STXBP5L: variants seen among roughly 807,000 people sequenced by gnomAD.
The protein encoded by STXBP5L is syntaxin binding protein 5L.
STXBP5L carries 65 observed loss-of-function variants against 144.5 expected under a neutral mutation model. The ratio of observed to expected loss-of-function variants is 0.45; its 90% CI spans 0.37 to 0.55. The LOEUF is 0.55. Ranked by LOEUF, STXBP5L falls within the 20% of genes least tolerant of loss-of-function variation. STXBP5L has a pLI of 0.00. For missense variants in STXBP5L, 1,298 were observed against 1,405.5 expected, an observed-to-expected ratio of 0.92 and a Z score of 1.22; for synonymous variants, 505 against 469.6, an observed-to-expected ratio of 1.08 and a Z score of -0.97.
intron 20 of STXBP5L, among the ~76,000 whole-genome samples, chr3:121,322,329 T>G (rs940861293): frequency 1.3e-5 from 2 of 151,964 alleles, no homozygotes; most frequent in African/African-American, 4.8e-5. Flanking sequence ...AAATAAAAAA[T>G]TAGCCAGGTG....
At chr3:121,332,861 G>A (rs752347554) in intron 20 of STXBP5L, among the ~76,000 whole-genome samples, 10 of 147,550 alleles carry the variant, frequency 6.8e-5, no homozygotes, top group African/African-American at 1.3e-4. Flanking sequence ...TGATAAGAAC[G>A]TGAAAAAAAA....
At chr3:121,166,991 A>T (rs74829790) in intron 9 of STXBP5L, among the ~76,000 whole-genome samples, 14 of 54 alleles carry the variant, frequency 0.26, no homozygotes, top group Non-Finnish European at 0.46. Context: ...AACTGTTCAG[A>T]AAAAAAACGA....
intron 20 of STXBP5L, among the ~76,000 whole-genome samples, chr3:121,349,910 C>G (rs1251442679): frequency 6.6e-6 from 1 of 152,054 alleles, no homozygotes; most frequent in Non-Finnish European, 1.5e-5. Context: ...GACTCTTTAT[C>G]CAATTTGCCA....
intron 2 of STXBP5L, among the ~76,000 whole-genome samples, chr3:120,949,904 C>T (rs538566263): frequency 3.4e-4 from 52 of 151,588 alleles, no homozygotes; most frequent in South Asian, 8.3e-4. Flanking sequence ...TCCTTTATAG[C>T]GCATAAGTTT....
chr3:120,964,997 G>C (rs1939379739), intron 3 of STXBP5L, among the ~76,000 whole-genome samples: 1 of 152,154 alleles, frequency 6.6e-6, no homozygotes, highest in Non-Finnish European at 1.5e-5. Flanking sequence ...AGCTCTTCTT[G>C]TTGAATTGAT....
At chr3:121,243,560 C>G (rs2049741825) in intron 14 of STXBP5L, among the ~76,000 whole-genome samples, 1 of 151,298 alleles carries the variant, frequency 6.6e-6, no homozygotes, top group South Asian at 2.1e-4. Context: ...AAAAAAAGTC[C>G]AGTAACTGAT....
At chr3:121,138,580 T>C (rs1249018551) in intron 7 of STXBP5L, among the ~76,000 whole-genome samples, 4 of 152,084 alleles carry the variant, frequency 2.6e-5, no homozygotes, top group Middle Eastern at 6.8e-3. Flanking sequence ...ATGGAACATA[T>C]TAGAGAGCCC....
chr3:121,044,631 G>A (rs573650777), intron 4 of STXBP5L, among the ~76,000 whole-genome samples: 2 of 152,146 alleles, frequency 1.3e-5, no homozygotes, highest in African/African-American at 2.4e-5. Flanking sequence ...TTTTCAGCTG[G>A]TTAGCTGTCA....
At chr3:121,094,395 G>T (rs994409836) in intron 5 of STXBP5L, among the ~76,000 whole-genome samples, 2 of 152,060 alleles carry the variant, frequency 1.3e-5, no homozygotes, top group African/African-American at 2.4e-5. Context: ...CATTATTATT[G>T]TGTGGGAGTC....
chr3:121,122,857 A>T (rs777736570), intron 7 of STXBP5L, among the ~76,000 whole-genome samples: 8 of 151,504 alleles, frequency 5.3e-5, no homozygotes, highest in Admixed American at 6.6e-5. Flanking sequence ...ATAATAAGAG[A>T]TAGGCAACAA....
At chr3:121,113,529 A>AT (rs2044091715) in intron 5 of STXBP5L, among the ~76,000 whole-genome samples, 1 of 152,072 alleles carries the variant, frequency 6.6e-6, no homozygotes, top group Admixed American at 6.6e-5. Context: ...AGAGCTTTTA[A>AT]TTTTTTGAAT....
At chr3:121,277,060 G>A (rs2050907463) in intron 18 of STXBP5L, among the ~76,000 whole-genome samples, 2 of 151,942 alleles carry the variant, frequency 1.3e-5, no homozygotes, top group South Asian at 4.1e-4. Flanking sequence ...AGTCTGGGAT[G>A]TTGTAAACAA....
At chr3:121,054,788 C>T (rs576318995) in intron 5 of STXBP5L, among the ~76,000 whole-genome samples, 2 of 109,728 alleles carry the variant, frequency 1.8e-5, no homozygotes, top group Admixed American at 1.0e-4. Flanking sequence ...TTTTCTTTAC[C>T]AGTAAAATAT....
chr3:121,019,866 C>T (rs975629085), intron 3 of STXBP5L, among the ~76,000 whole-genome samples: 1 of 152,088 alleles, frequency 6.6e-6, no homozygotes, highest in East Asian at 1.9e-4. Flanking sequence ...AAACAAGGTT[C>T]TTTGACACCC....
intron 3 of STXBP5L, among the ~76,000 whole-genome samples, chr3:120,973,959 G>A (rs61160978): frequency 0.25 from 38,106 of 151,774 alleles, 4,885 homozygotes; most frequent in African/African-American, 0.28. Flanking sequence ...CATTTGGGTT[G>A]GTTCCAAGTC....
At chr3:120,947,284 T>C (rs2107672251) in intron 2 of STXBP5L, among the ~76,000 whole-genome samples, 1 of 152,014 alleles carries the variant, frequency 6.6e-6, no homozygotes, top group South Asian at 2.1e-4. Flanking sequence ...GTCTTCAAAC[T>C]CTGTTCTACA....
intron 5 of STXBP5L, among the ~76,000 whole-genome samples, chr3:121,087,301 A>G (rs917654019): frequency 6.6e-6 from 1 of 152,042 alleles, no homozygotes; most frequent in Non-Finnish European, 1.5e-5. Flanking sequence ...TACAAGAATC[A>G]TGGATTTCTT....
At chr3:121,380,125 C>G (rs1470683895) in intron 21 of STXBP5L, among the ~76,000 whole-genome samples, 1 of 152,148 alleles carries the variant, frequency 6.6e-6, no homozygotes, top group Admixed American at 6.6e-5. Flanking sequence ...GTAGCACTCT[C>G]AATCACTGTA....
chr3:121,054,291 C>A (rs1307922321), intron 5 of STXBP5L, among the ~76,000 whole-genome samples: 24 of 151,878 alleles, frequency 1.6e-4, no homozygotes, highest in Admixed American at 1.6e-3. Context: ...CACATGTGCA[C>A]GAATGTTTAT....
Sources: gnomAD v4.1 joint callset for allele counts (sites outside exome capture counted in the v4.1 genomes callset) on GRCh38, gnomAD v4.1.1 for gene constraint, MANE v1.5 for transcripts, NCBI Gene and HGNC (gene_info 2026-07-23, HGNC 2026-07-21) for gene names.